The following CNOT2 variants were observed in gnomAD, a reference collection of about 807,000 sequenced individuals.
CNOT2 encodes CCR4-NOT transcription complex subunit 2, also known as CC chemokine receptor 4-negative regulator of transcription 2.
A neutral mutation model predicts 72.1 loss-of-function variants in CNOT2; 7 were observed. The observed-to-expected ratio is 0.10, with a 90% confidence interval of 0.06 to 0.18. The LOEUF (loss-of-function observed/expected upper bound fraction) is 0.18. CNOT2 is among the 10% of genes least tolerant of loss of function. The probability of loss-of-function intolerance (pLI) is 1.00; values close to 1 mark genes in which losing one functional copy is unlikely to be tolerated. For missense variants in CNOT2, 345 were observed against 660.3 expected (o/e 0.52, Z 5.23); for synonymous variants, 196 against 225.6 (o/e 0.87, Z 1.17).
intron 1 of CNOT2, among the ~76,000 whole-genome samples, chr12:70,260,546 T>G (rs1308742903): frequency 6.6e-6 from 1 of 152,136 alleles, no homozygotes; most frequent in Non-Finnish European, 1.5e-5. Context: ...TAATAAAATC[T>G]TAAGTATTAA....
chr12:70,343,686 A>G (rs780062884), intron 13 of CNOT2, among the ~76,000 whole-genome samples: 1 of 152,190 alleles, frequency 6.6e-6, no homozygotes, highest in Non-Finnish European at 1.5e-5. Flanking sequence ...TAACCCTCAT[A>G]GGTGTCATTG....
At chr12:70,268,756 T>C (rs969586657) in intron 1 of CNOT2, among the ~76,000 whole-genome samples, 1 of 152,124 alleles carries the variant, frequency 6.6e-6, no homozygotes, top group African/African-American at 2.4e-5. Flanking sequence ...CCACCACACC[T>C]AGCCAGAAGT....
intron 11 of CNOT2, among the ~76,000 whole-genome samples, chr12:70,341,211 G>A (rs913288159): frequency 6.6e-6 from 1 of 152,062 alleles, no homozygotes; most frequent in Non-Finnish European, 1.5e-5. Context: ...TCACAGGCCT[G>A]CAAGGTCTTA....
At chr12:70,329,826 A>G (rs1879657438) in intron 5 of CNOT2, among the ~76,000 whole-genome samples, 1 of 151,976 alleles carries the variant, frequency 6.6e-6, no homozygotes, top group African/African-American at 2.4e-5. Context: ...AGCTTTTTCA[A>G]AAGGCACCTG....
At chr12:70,343,999 A>G in intron 13 of CNOT2, 129 bp from the exon 14 acceptor site, 4 of 556,848 alleles carry the variant, frequency 7.2e-6, no homozygotes, top group South Asian at 5.3e-5. Context: ...TAATCATGTA[A>G]TAACAGTTAT....
Position 70,338,507 on chromosome 12 carries a change from G to T in CNOT2, c.965G>T (p.Ser322Ile), listed in dbSNP as rs1308769239. Residue 322 changes from serine (S) to isoleucine (I), a missense_variant, in exon 10 of 16, where the codon AGT becomes ATT. Coordinates refer to ENST00000229195, the MANE Select transcript of CNOT2 (RefSeq NM_014515.7). Reference protein sequence around the residue: ...TDGPKFPGDKSSTTQNNNQQK... With the variant: ...TDGPKFPGDKISTTQNNNQQK... ...GGACCCAAATTCCCTGGAGATAAAA[G>T]TTCAACAACACAAAATAATAACCAG... The T allele has an allele frequency of 6.2e-7, 1 of 1,613,276 alleles. No homozygotes were observed. Among genetic ancestry groups the T allele is most frequent in the Admixed American group, 1.7e-5 (1 of 59,910 alleles).
At chr12:70,311,709 A>C (rs1003446326) in intron 3 of CNOT2, among the ~76,000 whole-genome samples, 8 of 151,896 alleles carry the variant, frequency 5.3e-5, no homozygotes, top group African/African-American at 1.9e-4. Context: ...TATACAATGT[A>C]CTCTCTAGTC....
rs1279716973 is a variant in CNOT2, at chr12:70,330,162, TA to T, written c.387-120del. 18 of 515,968 alleles carry T rather than the reference TA, an allele frequency of 3.5e-5. 1 individual carries two copies. The South Asian group carries it at 7.2e-4, about 21-fold the overall frequency. 32.0% of individuals were successfully genotyped at this position (515,968 alleles called of 1,614,324 possible). A position where few individuals can be genotyped will look rare whatever the true frequency, so the allele number is the denominator to read the frequency against. On this transcript the variant is annotated intron_variant, in intron 5 of 15. Transcript: ENST00000229195. The stretch of plus-strand genomic sequence containing the variant: ...AGAGCTAGAATGACTAAAGAATTAA[TA>T]AAAATTAGAACTGCAATTTGAAAGT...
At chr12:70,285,612 A>G (rs56773877) in intron 2 of CNOT2, 2 of 151,626 alleles carry the variant, frequency 1.3e-5, no homozygotes, top group African/African-American at 2.4e-5. Context: ...TTTTTTTTAA[A>G]TCTTTCTGAA....
At chr12:70,294,028 G>T in intron 2 of CNOT2, 1 of 931,646 alleles carries the variant, frequency 1.1e-6, no homozygotes, top group Non-Finnish European at 1.5e-6. Context: ...TGTTGAAACT[G>T]GACATTCAGA....
chr12:70,266,003 C>CTT lies in CNOT2; in HGVS notation c.-95-12115_-95-12114dup, dbSNP rs200929958. Among the ~76,000 whole-genome samples, 265 of 143,520 alleles carry CTT rather than the reference C, an allele frequency of 1.8e-3. 1 individual carries two copies. Among genetic ancestry groups the CTT allele is most frequent in the South Asian group, 0.017 (80 of 4,580 alleles). 94.2% of individuals were successfully genotyped at this position (143,520 alleles called of 152,430 possible). ...ATTTGTATGAATTCAATTCTTTTAA[C>CTT]TTTTTTTTTTTTTTTAAAAGAACTA... On this transcript the variant is annotated intron_variant, in intron 1 of 15. Coordinates refer to ENST00000229195, the MANE Select transcript of CNOT2 (RefSeq NM_014515.7).
At chr12:70,252,447 A>G (rs1359574194) in intron 1 of CNOT2, among the ~76,000 whole-genome samples, 3 of 152,164 alleles carry the variant, frequency 2.0e-5, no homozygotes, top group Non-Finnish European at 2.9e-5. Flanking sequence ...TCATCTTCCC[A>G]AAGTGCTGGG....
At chr12:70,265,668 T>C (rs1959007121) in intron 1 of CNOT2, among the ~76,000 whole-genome samples, 1 of 152,098 alleles carries the variant, frequency 6.6e-6, no homozygotes, top group South Asian at 2.1e-4. Context: ...TATTTTTGTT[T>C]ACTTTTGGTT....
intron 3 of CNOT2, among the ~76,000 whole-genome samples, chr12:70,316,495 T>G (rs1264285412): frequency 6.6e-6 from 1 of 152,180 alleles, no homozygotes; most frequent in Non-Finnish European, 1.5e-5. Flanking sequence ...GGATAGACTT[T>G]ATAAGAAATT....
intron 4 of CNOT2, among the ~76,000 whole-genome samples, chr12:70,328,572 A>G (rs905450881): frequency 1.1e-4 from 16 of 152,054 alleles, no homozygotes; most frequent in African/African-American, 3.6e-4. Context: ...TATGCTGTCT[A>G]TGATAATTAT....
chr12:70,280,545 GGCTTTT>G (rs1222220078), intron 2 of CNOT2, among the ~76,000 whole-genome samples: 7 of 151,972 alleles, frequency 4.6e-5, no homozygotes, highest in African/African-American at 1.7e-4. Flanking sequence ...TATCTTTGAG[GGCTTTT>G]GCTTTTGAGG....
Position 70,352,189 on chromosome 12 carries a change from C to G in CNOT2, c.1537-1640C>G, listed in dbSNP as rs1037347039. On this transcript the variant is annotated intron_variant, in intron 15 of 15. Coordinates refer to ENST00000229195, the MANE Select transcript of CNOT2 (RefSeq NM_014515.7). ...TGTGTTACACTACAAAAGACACAGGCTTTTTGTCACATGGAGGCTTTTTGT... is the reference window on the plus strand; with the variant it reads ...TGTGTTACACTACAAAAGACACAGGGTTTTTGTCACATGGAGGCTTTTTGT... Among the ~76,000 whole-genome samples the G allele has an allele frequency of 3.9e-5, 6 of 152,106 alleles. No individual in the cohort carries two copies. In the South Asian group the frequency reaches 1.0e-3, roughly 26 times the overall value.
At chr12:70,308,632 T>C (rs1875912030) in intron 2 of CNOT2, among the ~76,000 whole-genome samples, 1 of 151,588 alleles carries the variant, frequency 6.6e-6, no homozygotes, top group African/African-American at 2.4e-5. Context: ...AAATCTGGTA[T>C]TGATGGAAAA....
chr12:70,274,833 A>T (rs1277716987), intron 1 of CNOT2, among the ~76,000 whole-genome samples: 1 of 152,060 alleles, frequency 6.6e-6, no homozygotes, highest in East Asian at 1.9e-4. Flanking sequence ...TGCACTTAAG[A>T]TTCATCCATC....
Sources: allele counts gnomAD v4.1 joint callset (sites outside exome capture counted in the v4.1 genomes callset), GRCh38; gene constraint gnomAD v4.1.1; transcripts MANE v1.5; gene names NCBI Gene and HGNC (gene_info 2026-07-23, HGNC 2026-07-21).